PXYLP1: variants seen among roughly 807,000 people sequenced by gnomAD.
PXYLP1 encodes the protein 2-phosphoxylose phosphatase 1, also known as acid phosphatase-like 2.
Under a neutral mutation model 37.9 loss-of-function variants are expected in PXYLP1, and 17 were observed. The observed-to-expected ratio is 0.45, with a 90% CI of 0.31 to 0.67. PXYLP1 has a LOEUF of 0.67. Among genes scored for constraint, PXYLP1 ranks in the 30% least tolerant of loss-of-function variants. The probability of loss-of-function intolerance (pLI) is 0.07; values close to 1 mark genes in which losing one functional copy is unlikely to be tolerated. For missense variants in PXYLP1, 511 were observed against 612.0 expected, an observed-to-expected ratio of 0.84 and a Z score of 1.74; for synonymous variants, 221 against 232.2, an observed-to-expected ratio of 0.95 and a Z score of 0.44.
At chr3:141,274,877 C>T (rs141987945) in intron 2 of PXYLP1, among the ~76,000 whole-genome samples, 56 of 152,234 alleles carry the variant, frequency 3.7e-4, no homozygotes, top group Middle Eastern at 3.4e-3. Flanking sequence ...GGTCAGATTT[C>T]GGGAGCAGAG....
At chr3:141,290,541 G>A (rs190104468) in intron 5 of PXYLP1, among the ~76,000 whole-genome samples, 2 of 152,354 alleles carry the variant, frequency 1.3e-5, no homozygotes, top group Non-Finnish European at 2.9e-5. Context: ...AGAGCAGGTA[G>A]TGTTGGAGCT....
intron 4 of PXYLP1, among the ~76,000 whole-genome samples, chr3:141,283,156 T>TA (rs1941993788): frequency 7.5e-6 from 1 of 132,734 alleles, no homozygotes; most frequent in African/African-American, 2.8e-5. Flanking sequence ...TTTTTTTTTT[T>TA]ATTTTTTAGT....
rs1942231836 is a variant in PXYLP1 at position 141,292,225 on chromosome 3, G to C, written c.506-43G>C. 1 of 1,534,014 alleles carries C rather than the reference G, an allele frequency of 6.5e-7. No individual in the cohort carries two copies. Among genetic ancestry groups the C allele is most frequent in the South Asian group, 1.3e-5 (1 of 77,540 alleles). Reference sequence around the variant, plus strand: ...TCCACCTCCCCTTGCTGTTTCTTTTGCTCAGCTGGAAGTAAGGTAAGCTTT... The same window carrying C: ...TCCACCTCCCCTTGCTGTTTCTTTTCCTCAGCTGGAAGTAAGGTAAGCTTT... On this transcript the variant is annotated intron_variant, in intron 5 of 5. Coordinates refer to ENST00000286353, the MANE Select transcript of PXYLP1 (RefSeq NM_001037172.3). The surrounding 1 kb of genome is among the most constrained non-coding windows in gnomAD (Gnocchi z 4.3).
chr3:141,254,294 C>G (rs1320979602), intron 1 of PXYLP1, among the ~76,000 whole-genome samples: 1 of 152,208 alleles, frequency 6.6e-6, no homozygotes, highest in Non-Finnish European at 1.5e-5. Flanking sequence ...CTGGGACCTT[C>G]CATATGACAA....
chr3:141,292,506 G>A lies in PXYLP1; in HGVS notation c.744G>A (p.Pro248=), dbSNP rs754888581. 3.2e-5 allele frequency: 51 copies of A among 1,614,082 alleles called. No homozygotes were observed. Among genetic ancestry groups the A allele is most frequent in the Middle Eastern group, 1.6e-4 (1 of 6,084 alleles). Residue 248 remains proline (P), a synonymous_variant, in exon 6 of 6, where the codon CCG becomes CCA. Coordinates refer to ENST00000286353, the MANE Select transcript of PXYLP1 (RefSeq NM_001037172.3). The surrounding 1 kb of genome is among the most constrained non-coding windows in gnomAD (Gnocchi z 4.3). ...TCTGCTCTGGAAGCTGCTATTGCCC[G>A]GTAAGAAACCAGTATCTGGAAAAGG... ...ALFCSGSCYC[P]VRNQYLEKEQ...
intron 2 of PXYLP1, chr3:141,262,766 G>GT: frequency 7.5e-7 from 1 of 1,342,064 alleles, no homozygotes; most frequent in South Asian, 1.3e-5. Context: ...GTAGAAGTGA[G>GT]TTTAATTGCT....
At chr3:141,255,835 C>T (rs1576584441) in intron 1 of PXYLP1, among the ~76,000 whole-genome samples, 1 of 152,206 alleles carries the variant, frequency 6.6e-6, no homozygotes, top group African/African-American at 2.4e-5. Flanking sequence ...GAGATTGAAC[C>T]ACAGTGCCAG....
intron 2 of PXYLP1, among the ~76,000 whole-genome samples, chr3:141,271,289 C>T (rs550556756): frequency 6.6e-6 from 1 of 152,234 alleles, no homozygotes; most frequent in African/African-American, 2.4e-5. Flanking sequence ...TCATTTGCAG[C>T]CCCCAGCCCC....
At chr3:141,281,788 G>A (rs761001900) in intron 4 of PXYLP1, among the ~76,000 whole-genome samples, 10 of 152,272 alleles carry the variant, frequency 6.6e-5, no homozygotes, top group Non-Finnish European at 1.5e-4. Context: ...TGCAGTGTGA[G>A]GTGGTGGACA....
rs1942232823 is a variant in PXYLP1, at chr3:141,292,247, C to T, written c.506-21C>T. 6.4e-7 allele frequency: 1 copy of T among 1,562,566 alleles called. No homozygotes were observed. Among genetic ancestry groups the T allele is most frequent in the Non-Finnish European group, 8.7e-7 (1 of 1,155,564 alleles). On this transcript the variant is annotated intron_variant, in intron 5 of 5. Transcript: ENST00000286353. This position sits in a 1 kb window ranked among gnomAD's most constrained non-coding sequence, Gnocchi z 4.3. Reference sequence around the variant, plus strand: ...TTTGCTCAGCTGGAAGTAAGGTAAGCTTTGTGTGCTTGTGTTTCAGGAGTT... The same window carrying T: ...TTTGCTCAGCTGGAAGTAAGGTAAGTTTTGTGTGCTTGTGTTTCAGGAGTT...
chr3:141,286,514 AG>A (rs1942077523), intron 4 of PXYLP1, among the ~76,000 whole-genome samples: 1 of 152,168 alleles, frequency 6.6e-6, no homozygotes, highest in African/African-American at 2.4e-5. Context: ...TCTAGGAGGA[AG>A]GGATAGCTCG....
chr3:141,273,430 T>C, intron 2 of PXYLP1: 1 of 985,532 alleles, frequency 1.0e-6, no homozygotes, highest in East Asian at 1.1e-4. Context: ...TCAGTTTGGC[T>C]TGCATCCTAG....
At chr3:141,263,401 G>A (rs1941437222) in intron 2 of PXYLP1, among the ~76,000 whole-genome samples, 1 of 152,174 alleles carries the variant, frequency 6.6e-6, no homozygotes, top group Admixed American at 6.5e-5. Flanking sequence ...TGTTTGGAAG[G>A]TGAAACATTC....
intron 2 of PXYLP1, among the ~76,000 whole-genome samples, chr3:141,271,942 G>C (rs899346): frequency 0.21 from 31,419 of 152,226 alleles, 4,348 homozygotes; most frequent in African/African-American, 0.39. Flanking sequence ...CGCCACAGAA[G>C]GAAGTGGGGA....
chr3:141,260,068 C>G, intron 1 of PXYLP1, 55 bp from the exon 2 acceptor site: 1 of 1,331,946 alleles, frequency 7.5e-7, no homozygotes, highest in Non-Finnish European at 1.0e-6. Context: ...TTTCAGTTGA[C>G]AAATTTAGTT....
intron 1 of PXYLP1, among the ~76,000 whole-genome samples, chr3:141,243,578 A>G (rs1363418143): frequency 6.6e-6 from 1 of 152,198 alleles, no homozygotes; most frequent in African/African-American, 2.4e-5. Context: ...TTAGTTTAGC[A>G]CAGTTTCCGC....
Position 141,278,469 on chromosome 3 carries a change from C to T in PXYLP1, c.207C>T (p.Asn69=), listed in dbSNP as rs745794609. The change falls in exon 3 of 6, where the codon AAC becomes AAT. Residue 69 remains asparagine (N), a synonymous_variant. Coordinates refer to ENST00000286353, the MANE Select transcript of PXYLP1 (RefSeq NM_001037172.3). ...TTTATGAAGCTCTTTTGTACTGCAACATCCCCAGCGTGGCCGAGCGCAGCA... is the reference window on the plus strand; with the variant it reads ...TTTATGAAGCTCTTTTGTACTGCAATATCCCCAGCGTGGCCGAGCGCAGCA... ...DPVYEALLYC[N]IPSVAERSME... 6.2e-7 allele frequency: 1 copy of T among 1,614,088 alleles called. No homozygotes were observed. The highest frequency in any genetic ancestry group is 8.5e-7 in the Non-Finnish European group (1 of 1,180,048).
At chr3:141,241,095 G>A (rs1355549137) in intron 1 of PXYLP1, among the ~76,000 whole-genome samples, 1 of 152,158 alleles carries the variant, frequency 6.6e-6, no homozygotes, top group Non-Finnish European at 1.5e-5. Context: ...ACATCTGGAG[G>A]GGAGGAGAGG....
chr3:141,236,224 C>T (rs1465065483), intron 1 of PXYLP1: 1 of 152,152 alleles, frequency 6.6e-6, no homozygotes, highest in Admixed American at 6.5e-5. Flanking sequence ...TTAAAATTCT[C>T]TTTGTATTTG....
Sources: gnomAD v4.1 joint callset for allele counts (sites outside exome capture counted in the v4.1 genomes callset) on GRCh38, gnomAD v4.1.1 for gene constraint, Gnocchi (gnomAD v3.1) non-coding constraint, MANE v1.5 for transcripts, NCBI Gene and HGNC (gene_info 2026-07-23, HGNC 2026-07-21) for gene names.